The following ANKRD55 variants were observed in gnomAD, a reference collection of about 807,000 sequenced individuals.
ANKRD55 encodes ankyrin repeat domain 55, also known as ankyrin repeat domain-containing protein 55.
ANKRD55 carries 41 observed loss-of-function variants against 60.6 expected under a neutral mutation model. That is an observed-to-expected ratio of 0.68 (90% CI 0.53 to 0.88). ANKRD55 has a LOEUF of 0.88. Among genes scored for constraint, ANKRD55 ranks in the 40% least tolerant of loss-of-function variants. The pLI is 0.00. For synonymous variants in ANKRD55, 264 were observed against 290.3 expected, an observed-to-expected ratio of 0.91 and a Z score of 0.92; for missense variants, 732 against 767.6, an observed-to-expected ratio of 0.95 and a Z score of 0.55.
At chr5:56,120,888 AGACTCC>A (rs1458474055) in intron 8 of ANKRD55, among the ~76,000 whole-genome samples, 1 of 140,860 alleles carries the variant, frequency 7.1e-6, no homozygotes, top group Non-Finnish European at 1.5e-5. Flanking sequence ...CGACAGAGGG[AGACTCC>A]GTCTCAAAAA....
At chr5:56,119,523 A>G (rs1025691192) in intron 8 of ANKRD55, among the ~76,000 whole-genome samples, 1 of 152,220 alleles carries the variant, frequency 6.6e-6, no homozygotes, top group Non-Finnish European at 1.5e-5. Context: ...ACATGAATTC[A>G]TGCATGTTAA....
intron 11 of ANKRD55, 97 bp downstream of exon 11, chr5:56,102,397 A>C (rs903560608): frequency 2.0e-6 from 2 of 982,690 alleles, no homozygotes; most frequent in Admixed American, 5.3e-5. Context: ...TCTCAAAAAA[A>C]AAAAAAGAAA....
chr5:56,116,491 TAATTA>T, intron 9 of ANKRD55, 119 bp downstream of exon 9: 1 of 805,040 alleles, frequency 1.2e-6, no homozygotes, highest in Non-Finnish European at 1.7e-6. Flanking sequence ...TATGTAACAT[TAATTA>T]TATTATAAAA....
intron 2 of ANKRD55, among the ~76,000 whole-genome samples, chr5:56,214,797 C>A (rs1561295521): frequency 6.6e-6 from 1 of 152,178 alleles, no homozygotes; most frequent in African/African-American, 2.4e-5. Context: ...CTGCTGTGGC[C>A]ACCTGAAACC....
intron 4 of ANKRD55, among the ~76,000 whole-genome samples, chr5:56,171,222 G>C (rs1280743584): frequency 6.6e-6 from 1 of 152,150 alleles, no homozygotes; most frequent in Non-Finnish European, 1.5e-5. Flanking sequence ...AGTCTAACCT[G>C]AGCTCCACTG....
At chr5:56,104,513 G>T (rs761354402) in intron 10 of ANKRD55, among the ~76,000 whole-genome samples, 1 of 152,100 alleles carries the variant, frequency 6.6e-6, no homozygotes, top group Non-Finnish European at 1.5e-5. Context: ...GGGTGGAGCC[G>T]TGCATAGCCC....
At chr5:56,125,989 C>T (rs1045795602) in intron 8 of ANKRD55, among the ~76,000 whole-genome samples, 1 of 151,978 alleles carries the variant, frequency 6.6e-6, no homozygotes, top group East Asian at 1.9e-4. Flanking sequence ...CAAAAGTAAG[C>T]TGGGCATGGT....
chr5:56,100,758 C>G (rs1234742822), intron 11 of ANKRD55, among the ~76,000 whole-genome samples: 2 of 152,160 alleles, frequency 1.3e-5, no homozygotes, highest in Admixed American at 6.5e-5. Flanking sequence ...AGATCTTTAT[C>G]TTTCCTTCTC....
At chr5:56,136,677 T>G (rs1370097651) in intron 7 of ANKRD55, among the ~76,000 whole-genome samples, 1 of 152,042 alleles carries the variant, frequency 6.6e-6, no homozygotes, top group Non-Finnish European at 1.5e-5. Context: ...TCCCAGCACT[T>G]TGGGAGGCTA....
chr5:56,180,652 A>G (rs1227034070), intron 3 of ANKRD55, among the ~76,000 whole-genome samples: 1 of 152,206 alleles, frequency 6.6e-6, no homozygotes, highest in Non-Finnish European at 1.5e-5. Flanking sequence ...TTCAACATAC[A>G]AGTTCTGTAC....
rs561097129 is a variant in ANKRD55, at chr5:56,111,562, G to A, written c.1186C>T (p.Gln396Ter). 19 of 1,611,974 alleles carry A rather than the reference G, an allele frequency of 1.2e-5. No homozygotes were observed. The African/African-American group carries it at 1.3e-4, about 11-fold the overall frequency. ...DSIVGTNCQE[Q>*]PGDQVAMVEF... is the part of the protein sequence containing the mutation. ...ACCATAGCCACCTGATCACCAGGCTGTTCTTGGCAGTTGGTACCCACGATG... is the reference window on the plus strand; with the variant it reads ...ACCATAGCCACCTGATCACCAGGCTATTCTTGGCAGTTGGTACCCACGATG... The change falls in exon 10 of 12, where the codon CAG becomes TAG. Residue 396 changes from glutamine to a stop codon, truncating the protein, a stop_gained. Coordinates refer to ENST00000341048, the MANE Select transcript of ANKRD55 (RefSeq NM_024669.3). LOFTEE classifies it high-confidence loss of function.
At chr5:56,116,108 G>C (rs1756877590) in intron 9 of ANKRD55, among the ~76,000 whole-genome samples, 1 of 152,152 alleles carries the variant, frequency 6.6e-6, no homozygotes, top group African/African-American at 2.4e-5. Context: ...ACCTGCCTCA[G>C]CCTCCCAAAG....
intron 10 of ANKRD55, among the ~76,000 whole-genome samples, chr5:56,102,815 T>A (rs1298245024): frequency 6.6e-6 from 1 of 152,124 alleles, no homozygotes; most frequent in Non-Finnish European, 1.5e-5. Context: ...AGTACTAGTT[T>A]AAATAAAATT....
At chr5:56,123,372 T>G (rs1757137854) in intron 8 of ANKRD55, among the ~76,000 whole-genome samples, 4 of 152,148 alleles carry the variant, frequency 2.6e-5, no homozygotes, top group Admixed American at 2.6e-4. Context: ...AGATTGTATC[T>G]TCTGTCAATT....
intron 2 of ANKRD55, among the ~76,000 whole-genome samples, chr5:56,214,782 G>C (rs974944830): frequency 6.6e-6 from 1 of 152,156 alleles, no homozygotes; most frequent in Non-Finnish European, 1.5e-5. Flanking sequence ...TCCTTAAATT[G>C]GTTCCTGCTG....
chr5:56,224,725 C>A (rs160004), intron 2 of ANKRD55, among the ~76,000 whole-genome samples: 73,700 of 151,940 alleles, frequency 0.49, 21,919 homozygotes, highest in East Asian at 0.86. Context: ...ATAAACTAGA[C>A]AATCTAGAAG....
chr5:56,108,384 G>C (rs963428225), intron 10 of ANKRD55: 1 of 152,304 alleles, frequency 6.6e-6, no homozygotes, highest in South Asian at 2.1e-4. Context: ...AACAGGATGG[G>C]TTGAGGCCCT....
At chr5:56,156,824 C>T (rs1758204842) in intron 6 of ANKRD55, 1 of 152,230 alleles carries the variant, frequency 6.6e-6, no homozygotes, top group African/African-American at 2.4e-5. Context: ...CTTTAAACCA[C>T]TGAAGATATG....
intron 4 of ANKRD55, among the ~76,000 whole-genome samples, chr5:56,175,582 G>A (rs1263201273): frequency 6.6e-6 from 1 of 152,162 alleles, no homozygotes; most frequent in African/African-American, 2.4e-5. Context: ...CTCTACCGGT[G>A]AGGACTAGTA....
Sources: gnomAD v4.1 joint callset for allele counts (sites outside exome capture counted in the v4.1 genomes callset) on GRCh38, gnomAD v4.1.1 for gene constraint, MANE v1.5 for transcripts, NCBI Gene and HGNC (gene_info 2026-07-23, HGNC 2026-07-21) for gene names.